Variants in NETO2 observed in about 807,000 individuals in gnomAD.
NETO2 encodes the protein neuropilin and tolloid like 2.
A neutral mutation model predicts 62.5 loss-of-function variants in NETO2; 28 were observed. The ratio of observed to expected loss-of-function variants is 0.45; its 90% CI spans 0.33 to 0.61. The LOEUF is 0.61. NETO2 is among the 20% of genes least tolerant of loss of function. The probability of loss-of-function intolerance (pLI) is 0.02; values close to 1 mark genes in which losing one functional copy is unlikely to be tolerated. For synonymous variants in NETO2, 214 were observed against 219.1 expected, an observed-to-expected ratio of 0.98 and a Z score of 0.21; for missense variants, 548 against 643.2, an observed-to-expected ratio of 0.85 and a Z score of 1.60.
intron 7 of NETO2, among the ~76,000 whole-genome samples, chr16:47,096,745 C>T (rs1307898653): frequency 2.0e-5 from 3 of 152,204 alleles, no homozygotes; most frequent in African/African-American, 4.8e-5. Flanking sequence ...GATTCCTGGG[C>T]AAGATGGCCG....
chr16:47,110,580 G>A (rs144460333), intron 6 of NETO2, among the ~76,000 whole-genome samples: 2 of 152,190 alleles, frequency 1.3e-5, no homozygotes, highest in Non-Finnish European at 2.9e-5. Context: ...TCCATGAAGC[G>A]CTTTACATAC....
chr16:47,114,353 C>G lies in NETO2; in HGVS notation c.655-4642G>C, dbSNP rs367837130. On this transcript the variant is annotated intron_variant, in intron 6 of 8. Coordinates refer to ENST00000562435, the MANE Select transcript of NETO2 (RefSeq NM_018092.5). The stretch of plus-strand genomic sequence containing the variant: ...TCTTTTCATAGGTGATTTTTTTTCT[C>G]CCAGTCAGTGGCTTTTTTTTTTTTT... Among the ~76,000 whole-genome samples, 26 of 142,782 alleles carry G rather than the reference C, an allele frequency of 1.8e-4. No homozygotes were observed. In the South Asian group the frequency reaches 5.2e-3, roughly 29 times the overall value. The allele number at this position is 142,782 out of a possible 152,430, so 93.7% of individuals were successfully genotyped here. A position where few individuals can be genotyped will look rare whatever the true frequency, so the allele number is the denominator to read the frequency against.
chr16:47,135,127 G>A (rs957146639), intron 1 of NETO2, among the ~76,000 whole-genome samples: 1 of 152,300 alleles, frequency 6.6e-6, no homozygotes, highest in Middle Eastern at 3.4e-3. Flanking sequence ...TCTAAATTCT[G>A]TATCATTATA....
At chr16:47,086,393 T>C in intron 7 of NETO2, 54 bp from the exon 8 acceptor site, 1 of 1,154,502 alleles carries the variant, frequency 8.7e-7, no homozygotes, top group Non-Finnish European at 1.3e-6. Flanking sequence ...CTGATTTTAT[T>C]TCATACATAA....
chr16:47,134,739 G>C (rs1400238952), intron 1 of NETO2, among the ~76,000 whole-genome samples: 1 of 152,194 alleles, frequency 6.6e-6, no homozygotes, highest in African/African-American at 2.4e-5. Context: ...AGGCAAGACA[G>C]CAACGGCAAC....
intron 7 of NETO2, among the ~76,000 whole-genome samples, chr16:47,097,162 A>C (rs1282159271): frequency 6.6e-6 from 1 of 152,178 alleles, no homozygotes; most frequent in Non-Finnish European, 1.5e-5. Context: ...CTGGAACGCC[A>C]GCGAGACAGA....
intron 8 of NETO2, among the ~76,000 whole-genome samples, chr16:47,085,074 T>C (rs1431566683): frequency 6.6e-6 from 1 of 152,122 alleles, no homozygotes; most frequent in Non-Finnish European, 1.5e-5. Flanking sequence ...CTTTAGTTCT[T>C]ACACAGTGAT....
intron 8 of NETO2, among the ~76,000 whole-genome samples, chr16:47,085,772 C>A (rs908764506): frequency 1.3e-5 from 2 of 152,012 alleles, no homozygotes; most frequent in African/African-American, 4.8e-5. Flanking sequence ...GGTCTATGAT[C>A]CATTTAAAAG....
chr16:47,094,334 A>AT (rs1963382899), intron 7 of NETO2, among the ~76,000 whole-genome samples: 1 of 151,080 alleles, frequency 6.6e-6, no homozygotes, highest in Non-Finnish European at 1.5e-5. Context: ...GCAAAGAAAT[A>AT]TAACAGAAAC....
chr16:47,102,370 T>C (rs1237378053), intron 7 of NETO2, among the ~76,000 whole-genome samples: 4 of 152,056 alleles, frequency 2.6e-5, no homozygotes, highest in African/African-American at 9.7e-5. Context: ...ATTCAGGAGA[T>C]AGGCATGGGC....
At chr16:47,087,187 G>T (rs1963210944) in intron 7 of NETO2, among the ~76,000 whole-genome samples, 1 of 151,982 alleles carries the variant, frequency 6.6e-6, no homozygotes. Context: ...AGCCATGCCT[G>T]GCTAATTTTT....
At chr16:47,137,682 T>G (rs1964385524) in intron 1 of NETO2, among the ~76,000 whole-genome samples, 1 of 152,202 alleles carries the variant, frequency 6.6e-6, no homozygotes, top group Non-Finnish European at 1.5e-5. Context: ...CAGGAACCCT[T>G]TCCAGATTAA....
chr16:47,097,928 A>G lies in NETO2; in HGVS notation c.883+11555T>C, dbSNP rs545901429. Among the ~76,000 whole-genome samples, 28 of 152,340 alleles carry G rather than the reference A, an allele frequency of 1.8e-4. No individual in the cohort carries two copies. In the East Asian group the frequency reaches 4.1e-3, roughly 22 times the overall value. ...GCAAACTCCAGCAGATCTGCCGCAG[A>G]GGGGCCTGACTGTTAGAAGGAAAAC... On this transcript the variant is annotated intron_variant, in intron 7 of 8. Transcript: ENST00000562435.
At position 47,078,228 on chromosome 16, in the gene NETO2, C is replaced by T. The variant is rs562369683; in HGVS notation, c.*4993G>A. 4.6e-5 allele frequency: 7 copies of T among 152,256 alleles called. No individual in the cohort carries two copies. Among genetic ancestry groups the T allele is most frequent in the East Asian group, 3.9e-4 (2 of 5,190 alleles). 9.4% of individuals were successfully genotyped at this position (152,256 alleles called of 1,614,324 possible). A position where few individuals can be genotyped will look rare whatever the true frequency, so the allele number is the denominator to read the frequency against. ...TGGATAGGAAATGCCAACTTTGCCC[C>T]GGAAGGAAATACAGATTCTGTTGGT... On this transcript the variant is annotated 3_prime_UTR_variant, in exon 9 of 9. Coordinates refer to ENST00000562435, the MANE Select transcript of NETO2 (RefSeq NM_018092.5).
At chr16:47,111,386 G>T (rs767095233) in intron 6 of NETO2, among the ~76,000 whole-genome samples, 4 of 151,844 alleles carry the variant, frequency 2.6e-5, no homozygotes, top group Non-Finnish European at 4.4e-5. Flanking sequence ...AAAAAACATC[G>T]AGTTAAAGAT....
At position 47,083,542 on chromosome 16, in the gene NETO2, C is replaced by T. The variant is rs766111813; in HGVS notation, c.1257G>A (p.Leu419=). The T allele has an allele frequency of 3.1e-6, 5 of 1,614,058 alleles. No homozygotes were observed. Among genetic ancestry groups the T allele is most frequent in the Non-Finnish European group, 4.2e-6 (5 of 1,180,046 alleles). The change falls in exon 9 of 9, where the codon TTG becomes TTA. Residue 419 remains leucine, a synonymous_variant. Coordinates refer to ENST00000562435, the MANE Select transcript of NETO2 (RefSeq NM_018092.5). ...AGCGCCGCATCTTCTGGTAGTTGTC[C>T]AATTCTTCCGACAAGTCTGCCAGGT... ...SADLADLSEE[L]DNYQKMRRSS...
rs34670065 is a variant in NETO2 at position 47,114,365 on chromosome 16, CT to C, written c.655-4655del. Reference sequence around the variant, plus strand: ...TGATTTTTTTTCTCCCAGTCAGTGGCTTTTTTTTTTTTTTCTCACTCAACAG... The same window carrying C: ...TGATTTTTTTTCTCCCAGTCAGTGGCTTTTTTTTTTTTTCTCACTCAACAG... On this transcript the variant is annotated intron_variant, in intron 6 of 8. Coordinates refer to ENST00000562435, the MANE Select transcript of NETO2 (RefSeq NM_018092.5). 9.6e-3 allele frequency among the ~76,000 whole-genome samples: 697 copies of C among 72,472 alleles called. 4 individuals carry two copies. Among genetic ancestry groups the C allele is most frequent in the Non-Finnish European group, 0.015 (451 of 30,572 alleles). 47.5% of individuals were successfully genotyped at this position (72,472 alleles called of 152,430 possible).
chr16:47,136,272 T>C (rs1008046760), intron 1 of NETO2, among the ~76,000 whole-genome samples: 5 of 152,172 alleles, frequency 3.3e-5, no homozygotes, highest in Admixed American at 2.0e-4. Context: ...CAGGAACCCA[T>C]TGTCTAACAG....
intron 8 of NETO2, among the ~76,000 whole-genome samples, chr16:47,084,959 C>A (rs1441434074): frequency 6.6e-6 from 1 of 152,082 alleles, no homozygotes; most frequent in Non-Finnish European, 1.5e-5. Flanking sequence ...GAAACCAACC[C>A]CCCTGCCCCA....
Sources: gnomAD v4.1 joint callset for allele counts (sites outside exome capture counted in the v4.1 genomes callset) on GRCh38, gnomAD v4.1.1 for gene constraint, MANE v1.5 for transcripts, NCBI Gene and HGNC (gene_info 2026-07-23, HGNC 2026-07-21) for gene names.